Variants in FXN observed in about 807,000 individuals in gnomAD.
FXN encodes the protein frataxin.
Under a neutral mutation model 22.4 loss-of-function variants are expected in FXN, and 14 were observed. The observed-to-expected ratio is 0.62, with a 90% CI of 0.41 to 0.98. FXN has a LOEUF of 0.98. FXN is among the 50% of genes least tolerant of loss of function. FXN has a pLI of 0.00. For missense variants in FXN, 267 were observed against 268.4 expected (o/e 0.99, Z 0.04); for synonymous variants, 120 against 114.1 (o/e 1.05, Z -0.33).
rs549468324 is a variant in FXN, at chr9:69,056,617, A to G, written c.384+3357A>G. Among the ~76,000 whole-genome samples, 3 of 152,202 alleles carry G rather than the reference A, an allele frequency of 2.0e-5. No individual in the cohort carries two copies. In the East Asian group the frequency reaches 5.8e-4, roughly 29 times the overall value. On this transcript the variant is annotated intron_variant, in intron 3 of 4. Transcript: ENST00000484259. ...TCTCCAGCCAGGATGACAGGGCAAG[A>G]CCCTGTCTTAGACCACTCTGTGGTC... is the stretch of plus-strand genomic sequence containing the variant.
At chr9:69,042,757 G>C (rs952497804) in intron 1 of FXN, among the ~76,000 whole-genome samples, 4 of 152,140 alleles carry the variant, frequency 2.6e-5, no homozygotes, top group Non-Finnish European at 5.9e-5. Context: ...ACTAAGGTTT[G>C]AGGGGCCAGG....
In FXN at chr9:69,077,672, G is replaced by A; in HGVS notation, c.*4910G>A. On this transcript the variant is annotated 3_prime_UTR_variant, in exon 5 of 5. Transcript: ENST00000484259. ...TGGCCAGACACGGTGGCTCACACCTGTAATCCCAGCACTTTGAGAGGCTGA... is the reference window on the plus strand; with the variant it reads ...TGGCCAGACACGGTGGCTCACACCTATAATCCCAGCACTTTGAGAGGCTGA... 1 of 983,444 alleles carries A rather than the reference G, an allele frequency of 1.0e-6. No individual in the cohort carries two copies. Among genetic ancestry groups the A allele is most frequent in the Non-Finnish European group, 1.2e-6 (1 of 828,136 alleles). 60.9% of individuals were successfully genotyped at this position (983,444 alleles called of 1,614,324 possible).
chr9:69,060,151 G>A (rs1227645038), intron 3 of FXN, among the ~76,000 whole-genome samples: 2 of 152,118 alleles, frequency 1.3e-5, no homozygotes, highest in Non-Finnish European at 2.9e-5. Flanking sequence ...GGCGGATCAC[G>A]AGGTCAGGAG....
At chr9:69,065,711 T>C (rs1832155936) in intron 4 of FXN, among the ~76,000 whole-genome samples, 2 of 152,212 alleles carry the variant, frequency 1.3e-5, no homozygotes, top group Admixed American at 6.5e-5. Context: ...AGATCTGAAG[T>C]GAGTAGCTTA....
rs1832310333 is a variant in FXN at position 69,073,414 on chromosome 9, A to AT, written c.*658dup. 4.1e-6 allele frequency: 4 copies of AT among 985,332 alleles called. No individual in the cohort carries two copies. The highest frequency in any genetic ancestry group is 4.8e-6 in the Non-Finnish European group (4 of 829,936). The allele number at this position is 985,332 out of a possible 1,614,324, so 61.0% of individuals were successfully genotyped here. A position where few individuals can be genotyped will look rare whatever the true frequency, so the allele number is the denominator to read the frequency against. ...CACATACGTGTCTGTGTGTATATAT[A>AT]TTTTTTCAATTTAAAGGTTAGTATG... On this transcript the variant is annotated 3_prime_UTR_variant, in exon 5 of 5. Transcript: ENST00000484259.
chr9:69,075,920 G>T lies in FXN; in HGVS notation c.*3158G>T. On this transcript the variant is annotated 3_prime_UTR_variant, in exon 5 of 5. Transcript: ENST00000484259. ...GGGTTTCACCATGTTGCCCAGGCTG[G>T]TCTCTAACACTTAGGCTCAAGTGAT... 2.9e-6 allele frequency: 2 copies of T among 688,050 alleles called. No individual in the cohort carries two copies. Among genetic ancestry groups the T allele is most frequent in the Non-Finnish European group, 3.6e-6 (2 of 559,434 alleles). The allele number at this position is 688,050 out of a possible 1,614,324, so 42.6% of individuals were successfully genotyped here. A position where few individuals can be genotyped will look rare whatever the true frequency, so the allele number is the denominator to read the frequency against.
At chr9:69,040,079 A>G (rs1450401820) in intron 1 of FXN, among the ~76,000 whole-genome samples, 1 of 152,174 alleles carries the variant, frequency 6.6e-6, no homozygotes, top group East Asian at 1.9e-4. Context: ...CCACCTCTCA[A>G]TACTGCCACA....
In FXN at chr9:69,073,437, A is replaced by G. The variant is rs1398316052; in HGVS notation, c.*675A>G. ...ATATTTTTTCAATTTAAAGGTTAGT[A>G]TGGAATCAGCTGCTACAAGAATGCA... is the stretch of plus-strand genomic sequence containing the variant. On this transcript the variant is annotated 3_prime_UTR_variant, in exon 5 of 5. Transcript: ENST00000484259. 4 of 985,318 alleles carry G rather than the reference A, an allele frequency of 4.1e-6. No homozygotes were observed. Among genetic ancestry groups the G allele is most frequent in the Non-Finnish European group, 4.8e-6 (4 of 829,972 alleles). 61.0% of individuals were successfully genotyped at this position (985,318 alleles called of 1,614,324 possible).
At chr9:69,069,148 G>A (rs151198663) in intron 4 of FXN, among the ~76,000 whole-genome samples, 77 of 152,364 alleles carry the variant, frequency 5.1e-4, no homozygotes, top group African/African-American at 1.8e-3. Flanking sequence ...CGGATCACTT[G>A]AGGTCAGGAG....
chr9:69,069,345 A>G (rs1382683169), intron 4 of FXN, among the ~76,000 whole-genome samples: 1 of 152,130 alleles, frequency 6.6e-6, no homozygotes, highest in Admixed American at 6.5e-5. Context: ...ATCCTGGGCG[A>G]CAGAGTGAGA....
intron 1 of FXN, among the ~76,000 whole-genome samples, chr9:69,038,790 A>T (rs1422699483): frequency 6.6e-6 from 1 of 152,130 alleles, no homozygotes; most frequent in East Asian, 1.9e-4. Flanking sequence ...ATTCTGTGAC[A>T]TACAAAAAAA....
chr9:69,038,459 TTTTCAACAATATATTTATTC>T (rs1032562046), intron 1 of FXN, among the ~76,000 whole-genome samples: 1 of 152,222 alleles, frequency 6.6e-6, no homozygotes, highest in Non-Finnish European at 1.5e-5. Context: ...AAAAAAATCA[TTTTCAACAATATATTTATTC>T]AACCTAGTAC....
In FXN at chr9:69,077,895, A is replaced by C. The variant is rs11145068; in HGVS notation, c.*5133A>C. On this transcript the variant is annotated 3_prime_UTR_variant, in exon 5 of 5. Coordinates refer to ENST00000484259, the MANE Select transcript of FXN (RefSeq NM_000144.5). ...CAGTGAGCCGAGATTACACCACTGC[A>C]CTCCAGCCTGGGTGACAAGAGGGAA... 2 of 928,220 alleles carry C rather than the reference A, an allele frequency of 2.2e-6. No homozygotes were observed. The highest frequency in any genetic ancestry group is 1.8e-5 in the African/African-American group (1 of 55,766). The allele number at this position is 928,220 out of a possible 1,614,324, so 57.5% of individuals were successfully genotyped here. A position where few individuals can be genotyped will look rare whatever the true frequency, so the allele number is the denominator to read the frequency against.
rs569206072 is a variant in FXN at position 69,073,953 on chromosome 9, G to A, written c.*1191G>A. On this transcript the variant is annotated 3_prime_UTR_variant, in exon 5 of 5. Transcript: ENST00000484259. ...AATCCCAGCACTTTTGGAGGCCAAGGTGGGTGGATCACCTGAGGTCAGGAG... is the reference window on the plus strand; with the variant it reads ...AATCCCAGCACTTTTGGAGGCCAAGATGGGTGGATCACCTGAGGTCAGGAG... 14 of 809,442 alleles carry A rather than the reference G, an allele frequency of 1.7e-5. No homozygotes were observed. The East Asian group carries it at 1.3e-3, about 73-fold the overall frequency. 50.1% of individuals were successfully genotyped at this position (809,442 alleles called of 1,614,324 possible).
Position 69,068,031 on chromosome 9 carries a change from C to A in FXN, c.482+2996C>A, listed in dbSNP as rs1832203671. 2.7e-5 allele frequency among the ~76,000 whole-genome samples: 4 copies of A among 147,006 alleles called. No individual in the cohort carries two copies. In the South Asian group the frequency reaches 8.8e-4, roughly 32 times the overall value. On this transcript the variant is annotated intron_variant, in intron 4 of 4. Transcript: ENST00000484259. ...GATGAAGAAAACACAGTCCCATCTT[C>A]AAGGAGCTCAATCTAGCAAGGGAGA...
chr9:69,037,284 A>AAAAAAAAAAAAAAAAAGAAG (rs544093183), intron 1 of FXN, among the ~76,000 whole-genome samples: 1 of 78,060 alleles, frequency 1.3e-5, no homozygotes, highest in Non-Finnish European at 2.5e-5. Context: ...AAAAAAAAAA[A>AAAAAAAAAAAAAAAAAGAAG]AAGAAGAAGA....
intron 1 of FXN, among the ~76,000 whole-genome samples, chr9:69,041,654 G>A (rs1484769504): frequency 2.0e-5 from 3 of 152,196 alleles, no homozygotes; most frequent in Non-Finnish European, 4.4e-5. Context: ...CAGGGCCGGG[G>A]GTGACAAGGG....
chr9:69,048,213 A>G (rs921852148), intron 2 of FXN, among the ~76,000 whole-genome samples: 1 of 152,170 alleles, frequency 6.6e-6, no homozygotes, highest in Non-Finnish European at 1.5e-5. Flanking sequence ...GTCAAGTTAA[A>G]CAATAAGATT....
rs534021420 is a variant in FXN, at chr9:69,047,683, G to A, written c.263+1201G>A. Among the ~76,000 whole-genome samples the A allele has an allele frequency of 1.0e-3, 156 of 152,210 alleles. 1 individual carries two copies. The highest frequency in any genetic ancestry group is 3.7e-3 in the African/African-American group (152 of 41,542). On this transcript the variant is annotated intron_variant, in intron 2 of 4. Coordinates refer to ENST00000484259, the MANE Select transcript of FXN (RefSeq NM_000144.5). Reference sequence around the variant, plus strand: ...TTCCACAGGGTGTTTTAAGACTCCAGTCAGCTATTTTAGGCCAGACTCATT... The same window carrying A: ...TTCCACAGGGTGTTTTAAGACTCCAATCAGCTATTTTAGGCCAGACTCATT...
Sources: allele counts gnomAD v4.1 joint callset (sites outside exome capture counted in the v4.1 genomes callset), GRCh38; gene constraint gnomAD v4.1.1; transcripts MANE v1.5; gene names NCBI Gene and HGNC (gene_info 2026-07-23, HGNC 2026-07-21).